KIF16B: variants seen among roughly 807,000 people sequenced by gnomAD.
KIF16B encodes the protein kinesin-like protein KIF16B.
A neutral mutation model predicts 156.3 loss-of-function variants in KIF16B; 98 were observed. That is an observed-to-expected ratio of 0.63 (90% confidence interval 0.53 to 0.74). KIF16B has a LOEUF of 0.74. Among genes scored for constraint, KIF16B ranks in the 30% least tolerant of loss-of-function variants. The pLI is 0.00. For missense variants in KIF16B, 1,421 were observed against 1,606.5 expected, an observed-to-expected ratio of 0.88 and a Z score of 1.97; for synonymous variants, 564 against 583.7, an observed-to-expected ratio of 0.97 and a Z score of 0.49.
At chr20:16,528,553 G>A (rs928672390) in intron 1 of KIF16B, 113 bp from the exon 2 acceptor site, 22 of 755,040 alleles carry the variant, frequency 2.9e-5, no homozygotes, top group Non-Finnish European at 4.5e-5. Flanking sequence ...ATTTTCAAAT[G>A]GCATCTGAGG....
intron 22 of KIF16B, chr20:16,367,361 A>G (rs2064694179): frequency 6.2e-7 from 1 of 1,612,760 alleles, no homozygotes; most frequent in African/African-American, 1.3e-5. Context: ...TCTACTGTTG[A>G]CACATTTTTC....
At chr20:16,473,816 C>CA (rs371988800) in intron 12 of KIF16B, among the ~76,000 whole-genome samples, 125 of 152,204 alleles carry the variant, frequency 8.2e-4, no homozygotes, top group African/African-American at 2.9e-3. Context: ...TTAGACACTT[C>CA]AAAAGAAATA....
intron 15 of KIF16B, among the ~76,000 whole-genome samples, chr20:16,425,995 G>A (rs2066341401): frequency 2.0e-5 from 3 of 152,074 alleles, no homozygotes; most frequent in African/African-American, 7.2e-5. Context: ...GGGCAGGAGG[G>A]AAATGCCACA....
chr20:16,488,923 T>C (rs562101645), intron 12 of KIF16B, among the ~76,000 whole-genome samples: 9 of 152,334 alleles, frequency 5.9e-5, no homozygotes, highest in African/African-American at 2.2e-4. Flanking sequence ...AGAGCCTGCA[T>C]GTGGAACACA....
chr20:16,410,136 T>TATATATGTAGGTACATATAC (rs1555877709), intron 15 of KIF16B, among the ~76,000 whole-genome samples: 13 of 124,564 alleles, frequency 1.0e-4, no homozygotes, highest in East Asian at 4.5e-4. Flanking sequence ...TAGGTACATA[T>TATATATGTAGGTACATATAC]ATATATGTAG....
intron 1 of KIF16B, among the ~76,000 whole-genome samples, chr20:16,554,910 G>A (rs2070791437): frequency 6.6e-6 from 1 of 152,260 alleles, no homozygotes; most frequent in African/African-American, 2.4e-5. Context: ...CCCCACTGCA[G>A]TCAGCACGCC....
At chr20:16,323,946 T>C (rs977101312) in intron 24 of KIF16B, among the ~76,000 whole-genome samples, 1 of 151,792 alleles carries the variant, frequency 6.6e-6, no homozygotes, top group Non-Finnish European at 1.5e-5. Context: ...CCACATGAAG[T>C]CTCATTTTCC....
At chr20:16,448,200 G>T (rs188323449) in intron 12 of KIF16B, among the ~76,000 whole-genome samples, 6 of 152,282 alleles carry the variant, frequency 3.9e-5, no homozygotes, top group Admixed American at 2.6e-4. Context: ...ACAGGCCATT[G>T]CACACTGTGT....
intron 25 of KIF16B, among the ~76,000 whole-genome samples, chr20:16,275,297 C>A (rs182696195): frequency 6.6e-6 from 1 of 152,280 alleles, no homozygotes; most frequent in African/African-American, 2.4e-5. Flanking sequence ...CTCAAATGAT[C>A]CACCCCCCTT....
At chr20:16,439,582 T>C (rs1004473207) in intron 12 of KIF16B, among the ~76,000 whole-genome samples, 2 of 152,162 alleles carry the variant, frequency 1.3e-5, no homozygotes, top group Admixed American at 1.3e-4. Context: ...TGTCAGTCTG[T>C]TCTATTCGGG....
intron 17 of KIF16B, among the ~76,000 whole-genome samples, chr20:16,402,498 G>A (rs943125779): frequency 1.3e-5 from 2 of 152,214 alleles, no homozygotes; most frequent in Non-Finnish European, 2.9e-5. Context: ...ATGGAGCAAT[G>A]TACAGTGAAG....
Position 16,549,538 on chromosome 20 carries a change from T to C in KIF16B, c.48-21098A>G, listed in dbSNP as rs551997504. On this transcript the variant is annotated intron_variant, in intron 1 of 25. Transcript: ENST00000354981. ...GTCTTTATAGCAGCATGATTTATAG[T>C]CCTTTGGGTATATACCCAGTAATGG... 2.0e-3 allele frequency among the ~76,000 whole-genome samples: 312 copies of C among 152,204 alleles called. 1 individual carries two copies. Among genetic ancestry groups the C allele is most frequent in the African/African-American group, 6.9e-3 (288 of 41,496 alleles).
At chr20:16,530,839 C>G (rs953279245) in intron 1 of KIF16B, among the ~76,000 whole-genome samples, 2 of 152,044 alleles carry the variant, frequency 1.3e-5, no homozygotes, top group Non-Finnish European at 2.9e-5. Context: ...GTAGCTTTGA[C>G]TACAGGCACG....
chr20:16,432,088 C>A (rs1483393052), intron 12 of KIF16B, among the ~76,000 whole-genome samples: 1 of 151,956 alleles, frequency 6.6e-6, no homozygotes, highest in Non-Finnish European at 1.5e-5. Context: ...AGAGACAACC[C>A]TCCGGAAGAG....
At chr20:16,564,720 G>T (rs2071190929) in intron 1 of KIF16B, among the ~76,000 whole-genome samples, 1 of 151,368 alleles carries the variant, frequency 6.6e-6, no homozygotes, top group Admixed American at 6.6e-5. Context: ...CTGCTTAGAT[G>T]AACGGAAATG....
chr20:16,276,049 G>C (rs1191011353), intron 25 of KIF16B, among the ~76,000 whole-genome samples: 1 of 152,202 alleles, frequency 6.6e-6, no homozygotes, highest in Admixed American at 6.5e-5. Flanking sequence ...CGCTGCACAG[G>C]CCTCATCTCA....
At chr20:16,462,277 T>A (rs76223731) in intron 12 of KIF16B, among the ~76,000 whole-genome samples, 2 of 152,068 alleles carry the variant, frequency 1.3e-5, no homozygotes, top group Non-Finnish European at 2.9e-5. Flanking sequence ...CTTCCATATG[T>A]ACACTTTTCT....
chr20:16,328,833 C>G (rs1020271473), intron 24 of KIF16B, among the ~76,000 whole-genome samples: 4 of 152,088 alleles, frequency 2.6e-5, no homozygotes, highest in Non-Finnish European at 5.9e-5. Flanking sequence ...GGGCAAGCTC[C>G]CTCAGGTACT....
chr20:16,379,922 T>A lies in KIF16B; in HGVS notation c.2080A>T (p.Lys694Ter), dbSNP rs1217774508. 2 of 1,614,234 alleles carry A rather than the reference T, an allele frequency of 1.2e-6. No individual in the cohort carries two copies. Among genetic ancestry groups the A allele is most frequent in the Non-Finnish European group, 1.7e-6 (2 of 1,180,044 alleles). The stretch of plus-strand genomic sequence containing the variant: ...AAGGTCTCTTCTTCTTGTCTCTTCT[T>A]CTGCAGCTCGATTTCCTGCTGTTCC... Reference protein sequence around the residue: ...LREQQEIELQKKRQEEETFLR... With the variant: ...LREQQEIELQ Residue 694 changes from lysine (K) to a stop codon, truncating the protein, a stop_gained, in exon 19 of 26, where the codon AAG becomes TAG. Transcript: ENST00000354981. LOFTEE classifies it high-confidence loss of function.
Sources: gnomAD v4.1 joint callset for allele counts (sites outside exome capture counted in the v4.1 genomes callset) on GRCh38, gnomAD v4.1.1 for gene constraint, MANE v1.5 for transcripts, NCBI Gene and HGNC (gene_info 2026-07-23, HGNC 2026-07-21) for gene names.